Variants in AGBL1 observed in about 807,000 individuals in gnomAD.
AGBL1 encodes the protein cytosolic carboxypeptidase 4.
A neutral mutation model predicts 118.9 loss-of-function variants in AGBL1; 130 were observed. The observed-to-expected ratio is 1.09, with a 90% confidence interval of 0.95 to 1.26. The LOEUF (loss-of-function observed/expected upper bound fraction) is 1.26. Among genes scored for constraint, AGBL1 ranks in the 50% most tolerant of loss-of-function variants. AGBL1 has a pLI of 0.00. For missense variants in AGBL1, 1,584 were observed against 1,298.1 expected (o/e 1.22, Z -3.38); for synonymous variants, 555 against 478.9 (o/e 1.16, Z -2.08).
intron 22 of AGBL1, among the ~76,000 whole-genome samples, chr15:86,714,035 G>A (rs1204630949): frequency 1.3e-5 from 2 of 152,148 alleles, no homozygotes; most frequent in African/African-American, 2.4e-5. Flanking sequence ...GTCGATAGCT[G>A]AACTTTTACT....
intron 23 of AGBL1, among the ~76,000 whole-genome samples, chr15:86,960,993 A>C (rs575870941): frequency 2.0e-5 from 3 of 152,194 alleles, no homozygotes; most frequent in African/African-American, 4.8e-5. Context: ...AAGACGACTA[A>C]GTTCTAGAGA....
Position 86,913,822 on chromosome 15 carries a change from C to T in AGBL1, c.*6528C>T, listed in dbSNP as rs1018988549. 2 of 152,270 alleles carry T rather than the reference C, an allele frequency of 1.3e-5. No individual in the cohort carries two copies. Among genetic ancestry groups the T allele is most frequent in the Non-Finnish European group, 1.5e-5 (1 of 68,160 alleles). 9.4% of individuals were successfully genotyped at this position (152,270 alleles called of 1,614,324 possible). ...GTGGAAGGTTGAGGCTACGGTGAGT[C>T]GTGATCGCACAACTGCACTCCTGCC... On this transcript the variant is annotated 3_prime_UTR_variant, in exon 23 of 23. Transcript: ENST00000614907.
chr15:86,950,413 C>A (rs561269211), intron 23 of AGBL1, among the ~76,000 whole-genome samples: 1 of 150,364 alleles, frequency 6.7e-6, no homozygotes, highest in Non-Finnish European at 1.5e-5. Context: ...ATACTCATAT[C>A]AGGAGTAGTA....
In AGBL1 at chr15:86,994,450, G is replaced by C. The variant is rs2081362182; in HGVS notation, c.3323+6362G>C. Among the ~76,000 whole-genome samples, 4 of 152,100 alleles carry C rather than the reference G, an allele frequency of 2.6e-5. No individual in the cohort carries two copies. In the South Asian group the frequency reaches 8.3e-4, roughly 32 times the overall value. On this transcript the variant is annotated intron_variant, in intron 24 of 24. Coordinates refer to the AGBL1 transcript ENST00000441037. Reference sequence around the variant, plus strand: ...TATGAATAGTTAGAAAAGAGAGAGAGAGAAAAGAGAAAATAACTAAAAGAC... The same window carrying C: ...TATGAATAGTTAGAAAAGAGAGAGACAGAAAAGAGAAAATAACTAAAAGAC...
chr15:86,554,508 T>C lies in AGBL1; in HGVS notation c.2965T>C (p.Tyr989His). 1 of 1,558,318 alleles carries C rather than the reference T, an allele frequency of 6.4e-7. No homozygotes were observed. The highest frequency in any genetic ancestry group is 8.7e-7 in the Non-Finnish European group (1 of 1,154,694). The change falls in exon 21 of 23, where the codon TAC becomes CAC. Residue 989 changes from tyrosine to histidine, a missense_variant. Coordinates refer to ENST00000614907, the MANE Select transcript of AGBL1 (RefSeq NM_001386094.1). ...VSRSYTMESS[Y>H]CGCNQGPYQG... ...CAGAAGCTACACCATGGAAAGCAGC[T>C]ACTGTGGCTGCAACCAGGGCCCTTA...
chr15:86,884,813 AAAAC>A (rs71144077), intron 22 of AGBL1, among the ~76,000 whole-genome samples: 2 of 151,868 alleles, frequency 1.3e-5, no homozygotes, highest in Non-Finnish European at 2.9e-5. Context: ...CCTTGTGTCA[AAAAC>A]AAACAAACTA....
At chr15:86,506,114 G>A (rs2082973405) in intron 18 of AGBL1, among the ~76,000 whole-genome samples, 1 of 151,810 alleles carries the variant, frequency 6.6e-6, no homozygotes, top group Non-Finnish European at 1.5e-5. Flanking sequence ...TTGATGTCTG[G>A]GCATGCCTTC....
intron 22 of AGBL1, among the ~76,000 whole-genome samples, chr15:86,801,176 C>G (rs977875070): frequency 6.6e-6 from 1 of 152,052 alleles, no homozygotes; most frequent in Admixed American, 6.6e-5. Flanking sequence ...TAGCAACCAT[C>G]ATGGTTCCTT....
intron 23 of AGBL1, among the ~76,000 whole-genome samples, chr15:86,925,888 G>A (rs956881529): frequency 2.0e-5 from 3 of 150,966 alleles, no homozygotes; most frequent in African/African-American, 7.3e-5. Context: ...CCGCCACCAT[G>A]CCCGGCTAAT....
intron 17 of AGBL1, among the ~76,000 whole-genome samples, chr15:86,372,993 CT>C (rs1015267773): frequency 1.3e-4 from 20 of 152,318 alleles, no homozygotes; most frequent in African/African-American, 3.6e-4. Flanking sequence ...GTAACCCCTC[CT>C]TTTCTTCTTT....
At chr15:86,158,784 T>C (rs902209149) in intron 4 of AGBL1, 149 bp from the exon 5 acceptor site, 12 of 495,042 alleles carry the variant, frequency 2.4e-5, no homozygotes, top group Non-Finnish European at 4.1e-5. Flanking sequence ...AATGACATTA[T>C]AGAGGAATGT....
intron 9 of AGBL1, among the ~76,000 whole-genome samples, chr15:86,260,244 T>C (rs2142022234): frequency 6.6e-6 from 1 of 152,324 alleles, no homozygotes; most frequent in Non-Finnish European, 1.5e-5. Context: ...AGGCATATTT[T>C]ATTTCTGGCC....
chr15:86,672,249 A>G (rs1350372093), intron 21 of AGBL1, among the ~76,000 whole-genome samples: 1 of 152,202 alleles, frequency 6.6e-6, no homozygotes, highest in East Asian at 1.9e-4. Context: ...CTTCTGGACT[A>G]CTTGTTACAA....
intron 21 of AGBL1, among the ~76,000 whole-genome samples, chr15:86,563,084 C>A (rs1055171232): frequency 6.6e-6 from 1 of 151,990 alleles, no homozygotes; most frequent in Non-Finnish European, 1.5e-5. Context: ...TTGATCTTTT[C>A]CAAAAACCAG....
At chr15:86,744,370 A>C (rs933451223) in intron 22 of AGBL1, among the ~76,000 whole-genome samples, 1 of 152,108 alleles carries the variant, frequency 6.6e-6, no homozygotes, top group Non-Finnish European at 1.5e-5. Flanking sequence ...ATTCTCACAG[A>C]GCTCCTGCCG....
At chr15:86,171,607 A>G (rs1333770053) in intron 5 of AGBL1, among the ~76,000 whole-genome samples, 2 of 152,160 alleles carry the variant, frequency 1.3e-5, no homozygotes, top group Non-Finnish European at 2.9e-5. Context: ...AAATAGACAA[A>G]AAATTAACAG....
At position 86,556,262 on chromosome 15, in the gene AGBL1, G is replaced by C. The variant is rs748966630; in HGVS notation, c.2994+1725G>C. The C allele has an allele frequency of 6.8e-6, 11 of 1,613,286 alleles. No individual in the cohort carries two copies. In the East Asian group the frequency reaches 2.5e-4, roughly 36 times the overall value. ...GTTGGAGAGGACAAAGAATGAAAGG[G>C]CTCACCCAGTGGATGGCCTTCAGGT... On this transcript the variant is annotated intron_variant, in intron 21 of 22. Coordinates refer to ENST00000614907, the MANE Select transcript of AGBL1 (RefSeq NM_001386094.1).
intron 24 of AGBL1, among the ~76,000 whole-genome samples, chr15:86,999,535 G>A (rs2081414195): frequency 6.8e-6 from 1 of 147,510 alleles, no homozygotes; most frequent in Admixed American, 6.7e-5. Flanking sequence ...TTTCATCCAT[G>A]TCCCTACAAA....
At chr15:86,723,333 T>G (rs192507214) in intron 22 of AGBL1, among the ~76,000 whole-genome samples, 1,633 of 152,216 alleles carry the variant, frequency 0.011, 25 homozygotes, top group Admixed American at 0.047. Flanking sequence ...CCATAAAAAA[T>G]GATGAGTTCA....
Sources: gnomAD v4.1 joint callset for allele counts (sites outside exome capture counted in the v4.1 genomes callset) on GRCh38, gnomAD v4.1.1 for gene constraint, MANE v1.5 for transcripts, NCBI Gene and HGNC (gene_info 2026-07-23, HGNC 2026-07-21) for gene names.